Variants in ANXA8 observed in about 807,000 individuals in gnomAD.
The protein encoded by ANXA8 is annexin A8.
A neutral mutation model predicts 26.8 loss-of-function variants in ANXA8; 9 were observed. The ratio of observed to expected loss-of-function variants is 0.34; its 90% confidence interval spans 0.20 to 0.59. The LOEUF (loss-of-function observed/expected upper bound fraction) is 0.59, where lower values mean the gene tolerates loss of function less well. Ranked by LOEUF, ANXA8 falls within the 20% of genes least tolerant of loss-of-function variation. The probability of loss-of-function intolerance (pLI) is 0.84; values close to 1 mark genes in which losing one functional copy is unlikely to be tolerated. For missense variants in ANXA8, 83 were observed against 238.5 expected (o/e 0.35, Z 4.29); for synonymous variants, 39 against 94.8 (o/e 0.41, Z 3.42).
the ANXA8 span, among the ~76,000 whole-genome samples, chr10:47,916,364 G>C: frequency 7.7e-6 from 1 of 130,070 alleles, no homozygotes; most frequent in African/African-American, 2.6e-5. Flanking sequence ...TCCAGAGGGT[G>C]CTGTCTCCTT....
chr10:47,948,381 G>A, the ANXA8 span, among the ~76,000 whole-genome samples: 2 of 107,526 alleles, frequency 1.9e-5, no homozygotes, highest in South Asian at 3.3e-4. Flanking sequence ...ATATACACAC[G>A]AATTTAAAGG....
chr10:47,639,311 A>ATTT, the ANXA8 span, among the ~76,000 whole-genome samples: 51 of 59,566 alleles, frequency 8.6e-4, no homozygotes, highest in African/African-American at 1.2e-3. Flanking sequence ...TATTATTATT[A>ATTT]TTATTTTTTT....
chr10:47,626,737 A>G, the ANXA8 span, among the ~76,000 whole-genome samples: 1 of 150,296 alleles, frequency 6.7e-6, no homozygotes, highest in Non-Finnish European at 1.5e-5. Flanking sequence ...TGAAACATTA[A>G]TGTGGTTAAT....
the ANXA8 span, among the ~76,000 whole-genome samples, chr10:47,626,502 C>T: frequency 1.3e-5 from 2 of 149,896 alleles, no homozygotes; most frequent in Non-Finnish European, 2.9e-5. Context: ...CAAAATCTTT[C>T]TTCTTAAGGA....
At chr10:47,488,036 A>T (rs1260518442), upstream of ANXA8, among the ~76,000 whole-genome samples, 2 of 141,496 alleles carry the variant, frequency 1.4e-5, no homozygotes, top group African/African-American at 5.1e-5. Context: ...CACATAAAAG[A>T]GACCACGGAG....
At chr10:47,975,756 A>T in the ANXA8 span, among the ~76,000 whole-genome samples, 8 of 150,132 alleles carry the variant, frequency 5.3e-5, no homozygotes, top group Non-Finnish European at 1.2e-4. Flanking sequence ...AAACACAGAC[A>T]CGCCTCTAAA....
At chr10:47,762,593 A>AGAGGGGCCGGGGCTGGGCTGGG in the ANXA8 span, 1 of 427,108 alleles carries the variant, frequency 2.3e-6, no homozygotes, top group Non-Finnish European at 3.8e-6. Flanking sequence ...GAAGGGTCGC[A>AGAGGGGCCGGGGCTGGGCTGGG]GAGGGGCCGG....
intron 1 of ANXA8, among the ~76,000 whole-genome samples, chr10:47,483,314 CTCAAAGCCCT>C (rs1252231083): frequency 5.6e-4 from 75 of 134,818 alleles, no homozygotes; most frequent in Non-Finnish European, 5.9e-4. Flanking sequence ...TACTCTCATG[CTCAAAGCCCT>C]TCAGTGCCTT....
chr10:47,681,524 T>A, the ANXA8 span, among the ~76,000 whole-genome samples: 1,237 of 79,522 alleles, frequency 0.016, 6 homozygotes, highest in African/African-American at 0.022. Flanking sequence ...TTATTTTTAC[T>A]TTTTTTTTTT....
At chr10:47,983,646 C>CCCTTGCTTG in the ANXA8 span, among the ~76,000 whole-genome samples, 5 of 68,800 alleles carry the variant, frequency 7.3e-5, no homozygotes, top group African/African-American at 3.1e-4. Context: ...TATTTTCCTT[C>CCCTTGCTTG]TGTACTGATG....
chr10:47,741,841 T>TC, the ANXA8 span, among the ~76,000 whole-genome samples: 4 of 6,734 alleles, frequency 5.9e-4, no homozygotes, highest in Admixed American at 2.8e-3. Flanking sequence ...AAACAGGGAT[T>TC]TTTTTTTTTT....
At chr10:47,644,303 C>T in the ANXA8 span, among the ~76,000 whole-genome samples, 24 of 146,702 alleles carry the variant, frequency 1.6e-4, no homozygotes, top group African/African-American at 5.0e-4. Context: ...CAAATTATTC[C>T]GCTAAATTTG....
chr10:47,659,692 A>AAAG, the ANXA8 span, among the ~76,000 whole-genome samples: 3 of 150,464 alleles, frequency 2.0e-5, no homozygotes, highest in African/African-American at 7.5e-5. Flanking sequence ...AAAAAAAAAA[A>AAAG]GAGTGTTTTA....
the ANXA8 span, among the ~76,000 whole-genome samples, chr10:47,707,438 G>A: frequency 2.1e-5 from 3 of 143,482 alleles, no homozygotes; most frequent in African/African-American, 4.9e-5. Flanking sequence ...CCAGGCTGGA[G>A]TGCAGTGGCC....
At chr10:47,960,706 T>C in the ANXA8 span, among the ~76,000 whole-genome samples, 1 of 148,060 alleles carries the variant, frequency 6.8e-6, no homozygotes, top group Non-Finnish European at 1.5e-5. Context: ...AATTGAACAT[T>C]GTAAGCACCC....
At chr10:47,702,852 T>C in the ANXA8 span, among the ~76,000 whole-genome samples, 2 of 150,592 alleles carry the variant, frequency 1.3e-5, no homozygotes, top group Non-Finnish European at 3.0e-5. Flanking sequence ...CTGGCTGGTC[T>C]CGGACTCCTG....
chr10:47,775,962 C>A, the ANXA8 span, among the ~76,000 whole-genome samples: 1 of 151,564 alleles, frequency 6.6e-6, no homozygotes, highest in Admixed American at 6.6e-5. Flanking sequence ...CAGCCAGCTG[C>A]AAGGGAAGAA....
intron 1 of ANXA8, among the ~76,000 whole-genome samples, chr10:47,481,494 C>G (rs1338325291): frequency 7.1e-6 from 1 of 141,040 alleles, no homozygotes; most frequent in Non-Finnish European, 1.5e-5. Context: ...CCCACAGGAA[C>G]GCAGGTCATC....
chr10:47,502,289 C>G, the ANXA8 span: 1 of 1,601,166 alleles, frequency 6.2e-7, no homozygotes. Context: ...TCGTTCACCT[C>G]CTCACGGGAG....
Sources: allele counts gnomAD v4.1 joint callset (sites outside exome capture counted in the v4.1 genomes callset), GRCh38; gene constraint gnomAD v4.1.1; transcripts MANE v1.5; gene names NCBI Gene and HGNC (gene_info 2026-07-23, HGNC 2026-07-21).